The following SATL1 variants were observed in gnomAD, a reference collection of about 807,000 sequenced individuals.
The protein encoded by SATL1 is spermidine/spermine N1-acetyl transferase like 1.
Under a neutral mutation model 51.8 loss-of-function variants are expected in SATL1, and 47 were observed. That is an observed-to-expected ratio of 0.91 (90% CI 0.72 to 1.16). The LOEUF (loss-of-function observed/expected upper bound fraction) is 1.16. Among genes scored for constraint, SATL1 ranks in the 50% most tolerant of loss-of-function variants. The pLI is 0.00. For synonymous variants in SATL1, 176 were observed against 182.4 expected, an observed-to-expected ratio of 0.97 and a Z score of 0.28; for missense variants, 520 against 526.4, an observed-to-expected ratio of 0.99 and a Z score of 0.12.
chrX:85,169,119 C>G (rs1242510102), intron 2 of SATL1, among the ~76,000 whole-genome samples: 1 of 112,145 alleles, frequency 8.9e-6, no homozygotes, highest in East Asian at 2.8e-4. Flanking sequence ...CAAAAATAAA[C>G]TCAAGATGGA....
intron 2 of SATL1, among the ~76,000 whole-genome samples, chrX:85,172,911 A>G (rs957952968): frequency 1.8e-5 from 2 of 111,624 alleles, no homozygotes; most frequent in African/African-American, 6.5e-5. Context: ...AAGAAAAGCC[A>G]AGAGAAAGAA....
chrX:85,123,556 T>C (rs1391107104), intron 2 of SATL1, among the ~76,000 whole-genome samples: 2 of 111,937 alleles, frequency 1.8e-5, no homozygotes, highest in Admixed American at 9.6e-5. Flanking sequence ...TTATGGATTC[T>C]GGATGTTAGA....
At chrX:85,222,533 GAGAA>G (rs766417094) in intron 2 of SATL1, among the ~76,000 whole-genome samples, 19 of 110,985 alleles carry the variant, frequency 1.7e-4, no homozygotes, top group African/African-American at 5.9e-4. Context: ...TATATATTTT[GAGAA>G]AGAGAGAGAA....
intron 1 of SATL1, among the ~76,000 whole-genome samples, chrX:85,232,733 T>C (rs1488922694): frequency 9.0e-6 from 1 of 111,333 alleles, no homozygotes; most frequent in African/African-American, 3.3e-5. Flanking sequence ...GAAAAGTGTA[T>C]ATGACTTTGA....
At chrX:85,228,210 T>A (rs1427790245) in intron 1 of SATL1, among the ~76,000 whole-genome samples, 1 of 111,360 alleles carries the variant, frequency 9.0e-6, no homozygotes, top group East Asian at 2.8e-4. Flanking sequence ...ACTGCAAGAA[T>A]GCACGCATAT....
At chrX:85,130,129 A>C (rs979377728) in intron 2 of SATL1, among the ~76,000 whole-genome samples, 2 of 111,658 alleles carry the variant, frequency 1.8e-5, no homozygotes, top group African/African-American at 6.5e-5. Context: ...TATCTCTGCC[A>C]GGCTTTGGAA....
chrX:85,093,234 T>C lies in SATL1; in HGVS notation c.1877-9A>G. 1 of 1,159,923 alleles carries C rather than the reference T, an allele frequency of 8.6e-7. No individual in the cohort carries two copies. Among genetic ancestry groups the C allele is most frequent in the Non-Finnish European group, 1.2e-6 (1 of 867,848 alleles). ...AGCTCCAATACCTAGGCCTTTTAAATAGACAATGCAAAGTGAAAACTGCAA... is the reference window on the plus strand; with the variant it reads ...AGCTCCAATACCTAGGCCTTTTAAACAGACAATGCAAAGTGAAAACTGCAA... On this transcript the variant is annotated splice_polypyrimidine_tract_variant and intron_variant, in intron 6 of 7. Coordinates refer to ENST00000644105, the MANE Select transcript of SATL1 (RefSeq NM_001367857.2).
chrX:85,162,202 T>C (rs1211445039), intron 2 of SATL1, among the ~76,000 whole-genome samples: 2 of 111,214 alleles, frequency 1.8e-5, no homozygotes, highest in African/African-American at 6.5e-5. Flanking sequence ...ATGCCCACGA[T>C]AAAAAGTTAG....
intron 2 of SATL1, among the ~76,000 whole-genome samples, chrX:85,151,113 CA>C (rs1460209780): frequency 1.8e-5 from 2 of 108,459 alleles, no homozygotes; most frequent in Non-Finnish European, 3.8e-5. Flanking sequence ...GCAACTTCAG[CA>C]AAGTCTCAGG....
chrX:85,190,800 AGT>A (rs994158677), intron 2 of SATL1, among the ~76,000 whole-genome samples: 18 of 110,815 alleles, frequency 1.6e-4, no homozygotes, highest in African/African-American at 5.9e-4. Flanking sequence ...AAAAAGGATG[AGT>A]TCATGTCCTT....
At chrX:85,110,791 T>C (rs1602839527) in intron 2 of SATL1, among the ~76,000 whole-genome samples, 1 of 112,453 alleles carries the variant, frequency 8.9e-6, no homozygotes, top group Non-Finnish European at 1.9e-5. Context: ...ACAAATTAGA[T>C]GTATGTGTGT....
At chrX:85,162,664 C>A (rs1439055228) in intron 2 of SATL1, among the ~76,000 whole-genome samples, 1 of 111,394 alleles carries the variant, frequency 9.0e-6, no homozygotes, top group Non-Finnish European at 1.9e-5. Context: ...TAGTATGATA[C>A]TGGCTGTGGG....
At chrX:85,098,086 A>C (rs1164097817) in intron 4 of SATL1, among the ~76,000 whole-genome samples, 2 of 111,906 alleles carry the variant, frequency 1.8e-5, no homozygotes, top group African/African-American at 6.5e-5. Context: ...TGTCTACAAG[A>C]GACATACTGT....
chrX:85,146,232 A>G (rs1926236188), intron 2 of SATL1, among the ~76,000 whole-genome samples: 1 of 111,700 alleles, frequency 9.0e-6, no homozygotes, highest in Non-Finnish European at 1.9e-5. Context: ...TATTTTACCA[A>G]TTGTTATTCT....
At chrX:85,154,785 G>A (rs1926546246) in intron 2 of SATL1, among the ~76,000 whole-genome samples, 1 of 112,243 alleles carries the variant, frequency 8.9e-6, no homozygotes, top group Non-Finnish European at 1.9e-5. Flanking sequence ...AAAGCAAACT[G>A]TTTCCTTTAT....
At chrX:85,153,417 G>A (rs763922639) in intron 2 of SATL1, among the ~76,000 whole-genome samples, 1 of 111,456 alleles carries the variant, frequency 9.0e-6, no homozygotes, top group Non-Finnish European at 1.9e-5. Context: ...TAGGCAAAAT[G>A]CTGACAATTT....
At chrX:85,121,935 T>C (rs1925517634) in intron 2 of SATL1, among the ~76,000 whole-genome samples, 2 of 109,862 alleles carry the variant, frequency 1.8e-5, no homozygotes, top group South Asian at 7.8e-4. Flanking sequence ...ATTTAATCAT[T>C]CCAATGTATA....
intron 1 of SATL1, among the ~76,000 whole-genome samples, chrX:85,226,302 T>A (rs961410183): frequency 9.0e-6 from 1 of 111,469 alleles, no homozygotes; most frequent in East Asian, 2.8e-4. Context: ...AAAGCCCAAA[T>A]GGCAACTGCT....
chrX:85,182,131 T>C (rs1048747727), intron 2 of SATL1, among the ~76,000 whole-genome samples: 1 of 111,430 alleles, frequency 9.0e-6, no homozygotes, highest in Non-Finnish European at 1.9e-5. Flanking sequence ...TATTTGAAAC[T>C]ATATATTGTT....
Sources: gnomAD v4.1 joint callset for allele counts (sites outside exome capture counted in the v4.1 genomes callset) on GRCh38, gnomAD v4.1.1 for gene constraint, MANE v1.5 for transcripts, NCBI Gene and HGNC (gene_info 2026-07-23, HGNC 2026-07-21) for gene names.